ARHGEF40: variants seen among roughly 807,000 people sequenced by gnomAD.
ARHGEF40 encodes Rho guanine nucleotide exchange factor (GEF) 40.
A neutral mutation model predicts 165.9 loss-of-function variants in ARHGEF40; 98 were observed. The ratio of observed to expected loss-of-function variants is 0.59; its 90% CI spans 0.50 to 0.70. ARHGEF40 has a LOEUF of 0.70. ARHGEF40 is among the 30% of genes least tolerant of loss of function. The pLI is 0.00. For synonymous variants in ARHGEF40, 792 were observed against 814.3 expected, an observed-to-expected ratio of 0.97 and a Z score of 0.47; for missense variants, 1,815 against 1,968.0, an observed-to-expected ratio of 0.92 and a Z score of 1.47.
chr14:21,079,192 A>G (rs1450238273), intron 11 of ARHGEF40, among the ~76,000 whole-genome samples, 182 bp downstream of exon 11: 1 of 152,190 alleles, frequency 6.6e-6, no homozygotes, highest in Non-Finnish European at 1.5e-5. Flanking sequence ...TCATAGCACC[A>G]GTAAAGAAAA....
At position 21,074,478 on chromosome 14, in the gene ARHGEF40, C is replaced by A; in HGVS notation, c.748C>A (p.Leu250Met). Residue 250 changes from leucine to methionine, a missense_variant, in exon 3 of 24, where the codon CTG becomes ATG. Coordinates refer to ENST00000298694, the MANE Select transcript of ARHGEF40 (RefSeq NM_018071.5). The surrounding 1 kb of genome is among the most constrained non-coding windows in gnomAD (Gnocchi z 4.8). ...GEYVELLEVTLPVRGSPTDAE... is the reference protein window; with the variant it reads ...GEYVELLEVTMPVRGSPTDAE... ...GTATGTGGAGCTGTTAGAGGTGACG[C>A]TGCCCGTGAGGGGGAGCCCAACAGA... 1 of 1,569,922 alleles carries A rather than the reference C, an allele frequency of 6.4e-7. No individual in the cohort carries two copies. The highest frequency in any genetic ancestry group is 1.9e-5 in the Admixed American group (1 of 53,382).
chr14:21,074,009 A>G lies in ARHGEF40; in HGVS notation c.279A>G (p.Ala93=), dbSNP rs763770134. The G allele has an allele frequency of 1.2e-6, 2 of 1,613,856 alleles. No homozygotes were observed. Among genetic ancestry groups the G allele is most frequent in the Non-Finnish European group, 8.5e-7 (1 of 1,180,032 alleles). The change falls in exon 3 of 24, where the codon GCA becomes GCG. Residue 93 remains alanine (A), a synonymous_variant. Transcript: ENST00000298694. The surrounding 1 kb of genome is among the most constrained non-coding windows in gnomAD (Gnocchi z 4.8). ...ATGAACAGGTGGTGGTGCAGCTAGC[A>G]GCCCTACCCTGGCAACTGCTGCGCC... ...CLHEQVVVQL[A]ALPWQLLRPG...
intron 21 of ARHGEF40, chr14:21,087,702 T>C (rs1888470115): frequency 5.7e-6 from 4 of 699,798 alleles, no homozygotes; most frequent in African/African-American, 5.4e-5. Context: ...TGGGTTTCTA[T>C]GGAAACTGCC....
At chr14:21,061,577 C>T in the ARHGEF40 span, among the ~76,000 whole-genome samples, 1 of 151,602 alleles carries the variant, frequency 6.6e-6, no homozygotes, top group Non-Finnish European at 1.5e-5. Context: ...TGGGTGTGTT[C>T]TCTGGGCCCC....
chr14:21,074,034 C>G lies in ARHGEF40; in HGVS notation c.304C>G (p.Pro102Ala). The part of the protein sequence containing the change: ...LAALPWQLLR[P>A]GDFYLQVVPS... ...AGCCCTACCCTGGCAACTGCTGCGC[C>G]CAGGAGACTTCTATCTGCAGGTGGT... is the stretch of plus-strand genomic sequence containing the variant. Residue 102 changes from proline (P) to alanine (A), a missense_variant, in exon 3 of 24, where the codon CCA becomes GCA. Coordinates refer to ENST00000298694, the MANE Select transcript of ARHGEF40 (RefSeq NM_018071.5). This position sits in a 1 kb window ranked among gnomAD's most constrained non-coding sequence, Gnocchi z 4.8. 6.2e-7 allele frequency: 1 copy of G among 1,614,090 alleles called. No homozygotes were observed. The highest frequency in any genetic ancestry group is 8.5e-7 in the Non-Finnish European group (1 of 1,180,034).
chr14:21,064,169 A>G, the ARHGEF40 span, among the ~76,000 whole-genome samples: 1 of 152,216 alleles, frequency 6.6e-6, no homozygotes, highest in Non-Finnish European at 1.5e-5. Flanking sequence ...GGAATAATTC[A>G]AAGTGCGGAG....
rs1298930014 is a variant in ARHGEF40 at position 21,083,950 on chromosome 14, G to C, written c.3689G>C (p.Ser1230Thr). 4 of 1,614,030 alleles carry C rather than the reference G, an allele frequency of 2.5e-6. No individual in the cohort carries two copies. The South Asian group carries it at 4.4e-5, about 18-fold the overall frequency. Residue 1230 changes from serine (S) to threonine (T), a missense_variant, in exon 17 of 24, where the codon AGT (serine) becomes ACT (threonine). Ser to Thr is a moderately conservative substitution (Grantham distance 58). Transcript: ENST00000298694. ...CTGAGGGAAGCTGGGCCTGAGCTCA[G>C]TTCTGAGTGCCGGGCCCTTGGGGCT... Reference protein sequence around the residue: ...ELLREAGPELSSECRALGAAV... With the variant: ...ELLREAGPELTSECRALGAAV...
intron 17 of ARHGEF40, 71 bp from the exon 18 acceptor site, chr14:21,084,681 TC>T: frequency 6.6e-7 from 1 of 1,524,322 alleles, no homozygotes; most frequent in Non-Finnish European, 8.8e-7. Flanking sequence ...GCCCTATAAA[TC>T]TATTTTTGCT....
Position 21,070,749 on chromosome 14 carries a change from T to C in ARHGEF40, c.3+350T>C. On this transcript the variant is annotated intron_variant, in intron 1 of 23. Transcript: ENST00000298694. This position sits in a 1 kb window ranked among gnomAD's most constrained non-coding sequence, Gnocchi z 4.7. The stretch of plus-strand genomic sequence containing the variant: ...CCCTCCCCCTCCTGGTCCGAGCTCC[T>C]TACCCGCGGGAGACCCCTGCGGGTT... The C allele has an allele frequency of 6.8e-7, 1 of 1,467,654 alleles. No homozygotes were observed. Among genetic ancestry groups the C allele is most frequent in the South Asian group, 1.2e-5 (1 of 82,506 alleles). 90.9% of individuals were successfully genotyped at this position (1,467,654 alleles called of 1,614,324 possible).
Position 21,072,704 on chromosome 14 carries a change from G to T in ARHGEF40, c.4-341G>T, listed in dbSNP as rs1952151. Among the ~76,000 whole-genome samples the T allele has an allele frequency of 0.47, 71,673 of 151,860 alleles. 17,251 individuals carry two copies. Among genetic ancestry groups the T allele is most frequent in the Non-Finnish European group, 0.53 (35,985 of 67,920 alleles). On this transcript the variant is annotated intron_variant, in intron 1 of 23. Transcript: ENST00000298694. The surrounding 1 kb of genome is among the most constrained non-coding windows in gnomAD (Gnocchi z 4.1). ...ATAAGCTCAGTCCCCTGATAGCCCA[G>T]AAGCCTGTCTTTTCTCTCCTGGGAA...
chr14:21,074,261 C>G lies in ARHGEF40; in HGVS notation c.531C>G (p.Pro177=). ...LSAPSGIQRL[P]WAELICPRFV... The stretch of plus-strand genomic sequence containing the variant: ...CGCCCTCTGGGATTCAGCGGCTGCC[C>G]TGGGCTGAGCTCATCTGTCCACGAT... Residue 177 remains proline, a synonymous_variant, in exon 3 of 24, where the codon CCC becomes CCG. Coordinates refer to ENST00000298694, the MANE Select transcript of ARHGEF40 (RefSeq NM_018071.5). The surrounding 1 kb of genome is among the most constrained non-coding windows in gnomAD (Gnocchi z 4.8). The G allele has an allele frequency of 6.2e-7, 1 of 1,614,156 alleles. No homozygotes were observed. Among genetic ancestry groups the G allele is most frequent in the Non-Finnish European group, 8.5e-7 (1 of 1,180,022 alleles).
At chr14:21,069,261 G>T (rs1020950143), upstream of ARHGEF40, among the ~76,000 whole-genome samples, 1 of 152,182 alleles carries the variant, frequency 6.6e-6, no homozygotes, top group African/African-American at 2.4e-5. Context: ...GGACGCTCGG[G>T]GTTTGATGAG....
Position 21,089,597 on chromosome 14 carries a change from T to G in ARHGEF40, c.*589T>G, listed in dbSNP as rs1390754113. The G allele has an allele frequency of 6.6e-6, 1 of 152,626 alleles. No individual in the cohort carries two copies. Among genetic ancestry groups the G allele is most frequent in the Non-Finnish European group, 1.5e-5 (1 of 68,064 alleles). 9.5% of individuals were successfully genotyped at this position (152,626 alleles called of 1,614,324 possible). Reference sequence around the variant, plus strand: ...CCTCTGGATTAAGGTGATAAATAACTTGAGCACTTTCCCTCAACCAGCCCT... The same window carrying G: ...CCTCTGGATTAAGGTGATAAATAACGTGAGCACTTTCCCTCAACCAGCCCT... On this transcript the variant is annotated 3_prime_UTR_variant, in exon 24 of 24. Transcript: ENST00000298694.
At chr14:21,069,139 C>G (rs1050324932), upstream of ARHGEF40, among the ~76,000 whole-genome samples, 1 of 152,242 alleles carries the variant, frequency 6.6e-6, no homozygotes, top group Non-Finnish European at 1.5e-5. Flanking sequence ...CGGGGCTTCC[C>G]GGTGCCTGCT....
chr14:21,082,444 A>AC lies in ARHGEF40; in HGVS notation c.3457dup (p.Leu1153ProfsTer76). ...CGGGAGCTTCAGGGCTGCGCCACCCACCCCCTACGCATTGGGGCCTGCTTC... is the reference window on the plus strand; with the variant it reads ...CGGGAGCTTCAGGGCTGCGCCACCCACCCCCCTACGCATTGGGGCCTGCTTC... On this transcript the variant is annotated frameshift_variant, in exon 15 of 24. Transcript: ENST00000298694. LOFTEE classifies it high-confidence loss of function. 1 of 1,602,428 alleles carries AC rather than the reference A, an allele frequency of 6.2e-7. No homozygotes were observed. The highest frequency in any genetic ancestry group is 8.5e-7 in the Non-Finnish European group (1 of 1,172,876).
At chr14:21,065,573 G>A (rs1269421341), upstream of ARHGEF40, among the ~76,000 whole-genome samples, 1 of 152,180 alleles carries the variant, frequency 6.6e-6, no homozygotes, top group Non-Finnish European at 1.5e-5. Flanking sequence ...AAAATGCTAT[G>A]AAGAAAATAC....
Position 21,074,541 on chromosome 14 carries a change from G to T in ARHGEF40, c.811G>T (p.Val271Leu), listed in dbSNP as rs750032175. The change falls in exon 3 of 24, where the codon GTA (valine) becomes TTA (leucine). Residue 271 changes from valine to leucine, a missense_variant. Transcript: ENST00000298694. This position sits in a 1 kb window ranked among gnomAD's most constrained non-coding sequence, Gnocchi z 4.8. Reference protein sequence around the residue: ...GSPGLSRVRTVPTRKGAGGKG... With the variant: ...GSPGLSRVRTLPTRKGAGGKG... ...CCCAGGCCTCTCCAGAGTCCGGACG[G>T]TACCCACCCGCAAGGGCGCTGGAGG... is the stretch of plus-strand genomic sequence containing the variant. 1.3e-6 allele frequency: 2 copies of T among 1,551,444 alleles called. No individual in the cohort carries two copies. Among genetic ancestry groups the T allele is most frequent in the Non-Finnish European group, 1.7e-6 (2 of 1,148,640 alleles).
At chr14:21,067,063 C>G (rs1886306405), upstream of ARHGEF40, among the ~76,000 whole-genome samples, 1 of 152,146 alleles carries the variant, frequency 6.6e-6, no homozygotes, top group Non-Finnish European at 1.5e-5. Context: ...CTGCTACTCT[C>G]CCAGGGAGAA....
Position 21,085,762 on chromosome 14 carries a change from G to T in ARHGEF40, c.4034G>T (p.Arg1345Leu), listed in dbSNP as rs779125789. 1 of 1,614,052 alleles carries T rather than the reference G, an allele frequency of 6.2e-7. No individual in the cohort carries two copies. The highest frequency in any genetic ancestry group is 8.5e-7 in the Non-Finnish European group (1 of 1,180,056). The change falls in exon 19 of 24, where the codon CGT (arginine) becomes CTT (leucine). Residue 1345 changes from arginine (R) to leucine (L), a missense_variant. Transcript: ENST00000298694. ...TTTGAGTTGTGGTTTCGGCGGCGGC[G>T]TGCACGAGAGGCATACACTCTGCAG... ...LCFELWFRRR[R>L]AREAYTLQAT...
Sources: allele counts gnomAD v4.1 joint callset (sites outside exome capture counted in the v4.1 genomes callset), GRCh38; gene constraint gnomAD v4.1.1; non-coding constraint Gnocchi (gnomAD v3.1); transcripts MANE v1.5; gene names NCBI Gene and HGNC (gene_info 2026-07-23, HGNC 2026-07-21).